Variants in DNM2 observed in about 807,000 individuals in gnomAD.
DNM2 encodes dynamin 2.
DNM2 carries 15 observed loss-of-function variants against 99.0 expected under a neutral mutation model. The observed-to-expected ratio is 0.15, with a 90% CI of 0.10 to 0.23. The LOEUF (loss-of-function observed/expected upper bound fraction) is 0.23, where lower values mean the gene tolerates loss of function less well. DNM2 is among the 10% of genes least tolerant of loss of function. DNM2 has a pLI of 1.00. For synonymous variants in DNM2, 525 were observed against 481.2 expected (o/e 1.09, Z -1.19); for missense variants, 742 against 1,189.4 (o/e 0.62, Z 5.53).
intron 5 of DNM2, among the ~76,000 whole-genome samples, chr19:10,782,733 G>T (rs914533622): frequency 6.6e-6 from 1 of 152,114 alleles, no homozygotes. Context: ...CTGTCCCTGC[G>T]CACACAGGCT....
chr19:10,831,019 G>C lies in DNM2; in HGVS notation c.2585G>C (p.Arg862Pro), dbSNP rs369312570. ...PAAPSRPTII[R>P]PAEPSLLD ...GCGCCCAGCCGGCCCACCATTATCC[G>C]CCCAGCCGAGCCATCCCTGCTCGAC... Residue 862 changes from arginine to proline, a missense_variant, in exon 21 of 21, where the codon CGC becomes CCC. Arg to Pro is a moderately radical substitution (Grantham distance 103). This residue lies in a region of DNM2 where 187 missense variants were observed against 218.8 expected (regional missense o/e 0.85). Coordinates refer to ENST00000389253, the MANE Select transcript of DNM2 (RefSeq NM_001005361.3). This position sits in a 1 kb window ranked among gnomAD's most constrained non-coding sequence, Gnocchi z 4.3. The C allele has an allele frequency of 1.2e-6, 2 of 1,610,548 alleles. No homozygotes were observed. Among genetic ancestry groups the C allele is most frequent in the Non-Finnish European group, 1.7e-6 (2 of 1,178,716 alleles).
chr19:10,769,225 G>C (rs1568289536), intron 2 of DNM2: 1 of 152,376 alleles, frequency 6.6e-6, no homozygotes, highest in Non-Finnish European at 1.5e-5. Flanking sequence ...CAGATCAGTA[G>C]ACTGAGACCT....
intron 7 of DNM2, among the ~76,000 whole-genome samples, chr19:10,793,105 T>A (rs1648113727): frequency 6.6e-6 from 1 of 152,188 alleles, no homozygotes; most frequent in African/African-American, 2.4e-5. Flanking sequence ...AGTGGCAGCA[T>A]TTTTTCTTTT....
chr19:10,782,638 G>A (rs569863379), intron 5 of DNM2, among the ~76,000 whole-genome samples: 4 of 152,278 alleles, frequency 2.6e-5, no homozygotes, highest in East Asian at 3.9e-4. Flanking sequence ...GATTACAGGC[G>A]TGAGCCACCG....
intron 1 of DNM2, among the ~76,000 whole-genome samples, chr19:10,737,956 G>T (rs1461490191): frequency 6.6e-6 from 1 of 152,182 alleles, no homozygotes; most frequent in Non-Finnish European, 1.5e-5. Flanking sequence ...GTCAATCACT[G>T]AGCAAGACCC....
chr19:10,759,741 C>A lies in DNM2; in HGVS notation c.165C>A (p.Asp55Glu). Residue 55 changes from aspartate (D) to glutamate (E), a missense_variant, in exon 2 of 21, where the codon GAC becomes GAA. Asp to Glu is a conservative substitution (Grantham distance 45). Coordinates refer to ENST00000389253, the MANE Select transcript of DNM2 (RefSeq NM_001005361.3). Reference sequence around the variant, plus strand: ...TGTCCCTCTCCCCCCCTCACAGGGACTTCCTTCCCCGCGGTTCAGGAATCG... The same window carrying A: ...TGTCCCTCTCCCCCCCTCACAGGGAATTCCTTCCCCGCGGTTCAGGAATCG... ...SSVLENFVGR[D>E]FLPRGSGIVT... is the part of the protein sequence containing the mutation. 1.9e-6 allele frequency: 3 copies of A among 1,614,188 alleles called. No homozygotes were observed. Among genetic ancestry groups the A allele is most frequent in the Non-Finnish European group, 2.5e-6 (3 of 1,180,038 alleles).
chr19:10,729,637 G>T (rs73498571), intron 1 of DNM2, among the ~76,000 whole-genome samples: 1 of 152,144 alleles, frequency 6.6e-6, no homozygotes, highest in South Asian at 2.1e-4. Context: ...GTGGAATGCC[G>T]ACTTTTCTAA....
intron 1 of DNM2, among the ~76,000 whole-genome samples, chr19:10,756,723 G>A (rs2070398902): frequency 1.3e-5 from 2 of 151,910 alleles, no homozygotes; most frequent in African/African-American, 4.8e-5. Flanking sequence ...TGTCTGTAGG[G>A]CGCTCCCCTC....
chr19:10,792,039 G>C (rs1338721779), intron 7 of DNM2, among the ~76,000 whole-genome samples: 1 of 152,210 alleles, frequency 6.6e-6, no homozygotes, highest in Non-Finnish European at 1.5e-5. Flanking sequence ...AGTAAGCTGA[G>C]ATTGTCCCAT....
chr19:10,790,110 C>A (rs1385431103), intron 7 of DNM2, among the ~76,000 whole-genome samples: 3 of 152,168 alleles, frequency 2.0e-5, no homozygotes, highest in Non-Finnish European at 4.4e-5. Flanking sequence ...CAGACATGGG[C>A]GGTCTTTCTC....
In DNM2 at chr19:10,777,163, A is replaced by C; in HGVS notation, c.635A>C (p.Glu212Ala). 1 of 1,614,156 alleles carries C rather than the reference A, an allele frequency of 6.2e-7. No individual in the cohort carries two copies. Among genetic ancestry groups the C allele is most frequent in the Non-Finnish European group, 8.5e-7 (1 of 1,180,022 alleles). The change falls in exon 5 of 21, where the codon GAG (glutamate) becomes GCG (alanine). Residue 212 changes from glutamate (E) to alanine (A), a missense_variant. Physicochemically the swap from Glu to Ala is moderately radical, Grantham distance 107 (BLOSUM62 -1). Around this residue, in one of 7 missense-constraint regions of DNM2, gnomAD observed 192 missense variants for 358.9 expected, o/e 0.54. Transcript: ENST00000389253. ...GVITKLDLMD[E>A]GTDARDVLEN... ...ATCACCAAGCTTGACCTGATGGACG[A>C]GGGCACCGACGCCAGGGACGTCTTG...
At chr19:10,758,526 T>C (rs1371848580) in intron 1 of DNM2, among the ~76,000 whole-genome samples, 2 of 97,310 alleles carry the variant, frequency 2.1e-5, no homozygotes, top group African/African-American at 4.1e-5. Flanking sequence ...TTTCCTCCCT[T>C]CCCTCCCCTC....
chr19:10,812,527 G>A lies in DNM2; in HGVS notation c.1671+150G>A, dbSNP rs544027608. 46 of 612,014 alleles carry A rather than the reference G, an allele frequency of 7.5e-5. No homozygotes were observed. The highest frequency in any genetic ancestry group is 1.2e-4 in the Non-Finnish European group (42 of 349,512). The allele number at this position is 612,014 out of a possible 1,614,324, so 37.9% of individuals were successfully genotyped here. On this transcript the variant is annotated intron_variant, in intron 15 of 20. Coordinates refer to ENST00000389253, the MANE Select transcript of DNM2 (RefSeq NM_001005361.3). The surrounding 1 kb of genome is among the most constrained non-coding windows in gnomAD (Gnocchi z 4.0). ...TAACTCGCCGGGCACGGTGGCTCCCGCCTGTAATCCCAGCACTTTGGGAGG... is the reference window on the plus strand; with the variant it reads ...TAACTCGCCGGGCACGGTGGCTCCCACCTGTAATCCCAGCACTTTGGGAGG...
rs756219781 is a variant in DNM2 at position 10,817,800 on chromosome 19, CGT to C, written c.1672-2164_1672-2163del. 4.0e-3 allele frequency among the ~76,000 whole-genome samples: 558 copies of C among 139,380 alleles called. 1 individual carries two copies. The highest frequency in any genetic ancestry group is 9.6e-3 in the African/African-American group (372 of 38,590). 91.4% of individuals were successfully genotyped at this position (139,380 alleles called of 152,430 possible). ...GGTGGGGAGGAGGGGCGCACACACA[CGT>C]GTGTGTGTGTGTGTGCGCGCGCGCG... is the stretch of plus-strand genomic sequence containing the variant. On this transcript the variant is annotated intron_variant, in intron 15 of 20. Transcript: ENST00000389253. The surrounding 1 kb of genome is among the most constrained non-coding windows in gnomAD (Gnocchi z 4.6).
chr19:10,794,540 A>G lies in DNM2; in HGVS notation c.1128+685A>G, dbSNP rs531218261. On this transcript the variant is annotated intron_variant, in intron 8 of 20. Coordinates refer to ENST00000389253, the MANE Select transcript of DNM2 (RefSeq NM_001005361.3). ...CCTGATCACTTGAGCCCAGGAGTTC[A>G]AGACCAGCCTGGGCAACATGGTGAA... Among the ~76,000 whole-genome samples the G allele has an allele frequency of 1.2e-4, 18 of 152,212 alleles. 1 individual carries two copies. The South Asian group carries it at 3.7e-3, about 32-fold the overall frequency.
chr19:10,783,123 A>C lies in DNM2; in HGVS notation c.849+3A>C. 3.7e-6 allele frequency: 6 copies of C among 1,610,322 alleles called. No homozygotes were observed. Among genetic ancestry groups the C allele is most frequent in the Non-Finnish European group, 5.1e-6 (6 of 1,180,020 alleles). On this transcript the variant is annotated splice_donor_region_variant and intron_variant, in intron 6 of 20. Transcript: ENST00000389253. ...ATCTGCAGAAGACGCTGAATCAGGT[A>C]CTGCAAGGGTTTGCACGTAGTGTGC...
chr19:10,816,725 G>A lies in DNM2; in HGVS notation c.1672-3255G>A, dbSNP rs1599611369. Among the ~76,000 whole-genome samples, 3 of 152,326 alleles carry A rather than the reference G, an allele frequency of 2.0e-5. No homozygotes were observed. Among genetic ancestry groups the A allele is most frequent in the Admixed American group, 2.0e-4 (3 of 15,306 alleles). On this transcript the variant is annotated intron_variant, in intron 15 of 20. Coordinates refer to ENST00000389253, the MANE Select transcript of DNM2 (RefSeq NM_001005361.3). This position sits in a 1 kb window ranked among gnomAD's most constrained non-coding sequence, Gnocchi z 4.6. ...GGGGACCTTCCAGGGTCCCCTGGGT[G>A]GGAATGCCAGGCCTGGGGCAGCGAG...
At chr19:10,758,650 G>A (rs570530975) in intron 1 of DNM2, among the ~76,000 whole-genome samples, 19 of 149,748 alleles carry the variant, frequency 1.3e-4, no homozygotes, top group African/African-American at 2.9e-4. Context: ...GGGTTCAAGC[G>A]ATTCTCCTGC....
intron 1 of DNM2, among the ~76,000 whole-genome samples, chr19:10,759,157 C>T (rs2070530713): frequency 6.6e-6 from 1 of 152,174 alleles, no homozygotes; most frequent in Non-Finnish European, 1.5e-5. Context: ...TGGGGTCTTA[C>T]TATCTTGTCC....
Sources: gnomAD v4.1 joint callset for allele counts (sites outside exome capture counted in the v4.1 genomes callset) on GRCh38, gnomAD v4.1.1 for gene constraint, gnomAD v4.1.1 regional missense constraint, Gnocchi (gnomAD v3.1) non-coding constraint, MANE v1.5 for transcripts, NCBI Gene and HGNC (gene_info 2026-07-23, HGNC 2026-07-21) for gene names.